PI4KA: variants seen among roughly 807,000 people sequenced by gnomAD.
PI4KA encodes the protein phosphatidylinositol 4-kinase alpha.
PI4KA carries 122 observed loss-of-function variants against 271.4 expected under a neutral mutation model. The ratio of observed to expected loss-of-function variants is 0.45; its 90% CI spans 0.39 to 0.52. The LOEUF (loss-of-function observed/expected upper bound fraction) is 0.52, where lower values mean the gene tolerates loss of function less well. Ranked by LOEUF, PI4KA falls within the 20% of genes least tolerant of loss-of-function variation. PI4KA has a pLI of 0.00. For missense variants in PI4KA, 1,969 were observed against 2,769.1 expected (o/e 0.71, Z 6.48); for synonymous variants, 1,041 against 1,078.8 (o/e 0.96, Z 0.69).
At chr22:20,825,502 C>T (rs1006684942) in intron 3 of PI4KA, among the ~76,000 whole-genome samples, 1 of 151,792 alleles carries the variant, frequency 6.6e-6, no homozygotes, top group African/African-American at 2.4e-5. Context: ...GGCTGAGGCA[C>T]GAGAATTGCT....
At chr22:20,733,174 G>A (rs1336500876) in intron 35 of PI4KA, 76 bp from the exon 36 acceptor site, 5 of 1,528,800 alleles carry the variant, frequency 3.3e-6, no homozygotes, top group Middle Eastern at 2.3e-4. Context: ...AAAGCAGTGA[G>A]AAGGTGATGC....
chr22:20,744,821 C>A, intron 29 of PI4KA, 101 bp from the exon 30 acceptor site: 1 of 802,256 alleles, frequency 1.2e-6, no homozygotes, highest in Non-Finnish European at 2.0e-6. Flanking sequence ...ACACTCGGGT[C>A]TGGGGGTTAC....
intron 1 of PI4KA, among the ~76,000 whole-genome samples, chr22:20,845,476 T>C (rs1926113346): frequency 6.6e-6 from 1 of 152,196 alleles, no homozygotes. Context: ...AACAAAAGAC[T>C]AAGATTTAAG....
At chr22:20,796,892 C>T (rs1480214252) in intron 17 of PI4KA, among the ~76,000 whole-genome samples, 4 of 152,244 alleles carry the variant, frequency 2.6e-5, no homozygotes, top group African/African-American at 9.6e-5. Context: ...GACATTGCCC[C>T]TTTGGCCAGA....
At chr22:20,745,410 C>T (rs1272402720) in intron 29 of PI4KA, among the ~76,000 whole-genome samples, 1 of 152,114 alleles carries the variant, frequency 6.6e-6, no homozygotes, top group Non-Finnish European at 1.5e-5. Flanking sequence ...GACCTCCTTT[C>T]GCATTTCCCT....
chr22:20,737,380 G>A (rs3854741), intron 32 of PI4KA, among the ~76,000 whole-genome samples: 2 of 152,132 alleles, frequency 1.3e-5, no homozygotes, highest in Non-Finnish European at 2.9e-5. Context: ...ACCATCTGGG[G>A]CCTGCTAGTG....
At chr22:20,831,694 C>T (rs1173688110) in intron 3 of PI4KA, among the ~76,000 whole-genome samples, 1 of 152,220 alleles carries the variant, frequency 6.6e-6, no homozygotes, top group African/African-American at 2.4e-5. Context: ...CTGCTGTTAG[C>T]CTGGTGGGAC....
At chr22:20,797,839 G>A (rs1236468858) in intron 17 of PI4KA, among the ~76,000 whole-genome samples, 4 of 152,110 alleles carry the variant, frequency 2.6e-5, no homozygotes, top group Admixed American at 2.6e-4. Context: ...GGAGCCCGGA[G>A]GTCAAGAAGA....
At chr22:20,758,355 ACT>A (rs1237662650) in intron 23 of PI4KA, among the ~76,000 whole-genome samples, 1 of 105,282 alleles carries the variant, frequency 9.5e-6, no homozygotes, top group East Asian at 2.7e-4. Context: ...ACAGAGCAAG[ACT>A]CTGTCTCAAA....
chr22:20,858,718 G>T lies in PI4KA; in HGVS notation c.8C>A (p.Ala3Glu), dbSNP rs1247648245. 1 of 1,444,004 alleles carries T rather than the reference G, an allele frequency of 6.9e-7. No individual in the cohort carries two copies. The highest frequency in any genetic ancestry group is 2.5e-5 in the Admixed American group (1 of 39,318). 89.4% of individuals were successfully genotyped at this position (1,444,004 alleles called of 1,614,324 possible). ...GCCTCCGCCTCCCCGGGCCGGGGCC[G>T]CCGCCATCACCTCACGAGCCGCGGC... MA[A>E]APARGGGGGG... The change falls in exon 1 of 55, where the codon GCG becomes GAG. Residue 3 changes from alanine to glutamate, a missense_variant. Around this residue, in one of 13 missense-constraint regions of PI4KA, gnomAD observed 540 missense variants for 555.5 expected, o/e 0.97. Coordinates refer to ENST00000255882, the MANE Select transcript of PI4KA (RefSeq NM_058004.4).
intron 1 of PI4KA, among the ~76,000 whole-genome samples, chr22:20,840,201 G>A (rs191060456): frequency 6.6e-6 from 1 of 152,336 alleles, no homozygotes; most frequent in East Asian, 1.9e-4. Flanking sequence ...AATAGTGCCT[G>A]AAAGACAACT....
chr22:20,780,775 CAA>C (rs538327544), intron 19 of PI4KA, among the ~76,000 whole-genome samples: 31 of 67,642 alleles, frequency 4.6e-4, no homozygotes, highest in Admixed American at 1.7e-3. Flanking sequence ...GACTCCATCT[CAA>C]AAAAAAAAAA....
At chr22:20,795,185 C>CT (rs888714711) in intron 18 of PI4KA, among the ~76,000 whole-genome samples, 4 of 151,126 alleles carry the variant, frequency 2.6e-5, no homozygotes, top group African/African-American at 7.4e-5. Context: ...CCGACTTTTT[C>CT]TTTTTTTTCC....
intron 37 of PI4KA, 47 bp from the exon 38 acceptor site, chr22:20,729,758 T>C: frequency 6.3e-7 from 1 of 1,574,914 alleles, no homozygotes; most frequent in Non-Finnish European, 8.7e-7. Context: ...ATGCTACCTG[T>C]CTGCCCTGAG....
intron 43 of PI4KA, among the ~76,000 whole-genome samples, chr22:20,719,546 C>T (rs554673709): frequency 1.2e-4 from 18 of 152,258 alleles, no homozygotes; most frequent in Non-Finnish European, 2.5e-4. Flanking sequence ...CCTGGACTAA[C>T]CTTTTTCACA....
At chr22:20,736,665 G>T in intron 32 of PI4KA, 2 of 155,502 alleles carry the variant, frequency 1.3e-5, no homozygotes, top group South Asian at 1.9e-4. Context: ...CTACAGTGAA[G>T]GGAAGGGCCA....
intron 17 of PI4KA, among the ~76,000 whole-genome samples, chr22:20,797,395 C>A (rs1204821735): frequency 1.3e-5 from 2 of 151,984 alleles, no homozygotes; most frequent in African/African-American, 2.4e-5. Flanking sequence ...AGGCAGCTGG[C>A]GAGGCAGCTG....
chr22:20,858,069 C>A (rs1927829224), intron 1 of PI4KA, among the ~76,000 whole-genome samples: 1 of 152,200 alleles, frequency 6.6e-6, no homozygotes, highest in Non-Finnish European at 1.5e-5. Flanking sequence ...ACTTTCAAGA[C>A]AGTGTTTCGT....
chr22:20,827,090 G>C (rs1923521543), intron 3 of PI4KA, among the ~76,000 whole-genome samples: 1 of 152,008 alleles, frequency 6.6e-6, no homozygotes, highest in Non-Finnish European at 1.5e-5. Context: ...ATTGCTTTTG[G>C]CATCTTTGTC....
Sources: gnomAD v4.1 joint callset for allele counts (sites outside exome capture counted in the v4.1 genomes callset) on GRCh38, gnomAD v4.1.1 for gene constraint, gnomAD v4.1.1 regional missense constraint, MANE v1.5 for transcripts, NCBI Gene and HGNC (gene_info 2026-07-23, HGNC 2026-07-21) for gene names.